The following BACE2 variants were observed in gnomAD, a reference collection of about 807,000 sequenced individuals.
The protein encoded by BACE2 is beta-secretase 2.
A neutral mutation model predicts 46.2 loss-of-function variants in BACE2; 17 were observed. The observed-to-expected ratio is 0.37, with a 90% CI of 0.25 to 0.55. BACE2 has a LOEUF of 0.55. Among genes scored for constraint, BACE2 ranks in the 20% least tolerant of loss-of-function variants. BACE2 has a pLI of 0.82. For missense variants in BACE2, 595 were observed against 698.1 expected, an observed-to-expected ratio of 0.85 and a Z score of 1.66; for synonymous variants, 277 against 295.9, an observed-to-expected ratio of 0.94 and a Z score of 0.66.
chr21:41,211,657 C>T (rs1300773744), intron 1 of BACE2, among the ~76,000 whole-genome samples: 2 of 152,228 alleles, frequency 1.3e-5, no homozygotes, highest in Non-Finnish European at 2.9e-5. Flanking sequence ...TGCCGGCAGA[C>T]TTCAGCAGAT....
At chr21:41,254,144 G>C (rs907499931) in intron 7 of BACE2, among the ~76,000 whole-genome samples, 3 of 152,224 alleles carry the variant, frequency 2.0e-5, no homozygotes, top group Admixed American at 2.0e-4. Context: ...GCAGAAAAGA[G>C]TCAATTCGAA....
intron 1 of BACE2, chr21:41,181,994 A>G (rs1041623230): frequency 2.4e-5 from 4 of 167,104 alleles, no homozygotes; most frequent in African/African-American, 9.6e-5. Flanking sequence ...GCATCATGGT[A>G]TCTGGTTGGG....
chr21:41,217,828 G>T (rs1045839036), intron 1 of BACE2, among the ~76,000 whole-genome samples: 1 of 152,236 alleles, frequency 6.6e-6, no homozygotes, highest in African/African-American at 2.4e-5. Context: ...AAGTAAAGGC[G>T]GCGGCCAGCA....
chr21:41,219,796 C>T (rs982692469), intron 1 of BACE2, among the ~76,000 whole-genome samples: 6 of 152,116 alleles, frequency 3.9e-5, no homozygotes, highest in Non-Finnish European at 7.4e-5. Flanking sequence ...TCTGCTCTCA[C>T]ACCACAACGA....
At chr21:41,244,375 G>T (rs897344117) in intron 5 of BACE2, among the ~76,000 whole-genome samples, 1 of 152,156 alleles carries the variant, frequency 6.6e-6, no homozygotes, top group African/African-American at 2.4e-5. Flanking sequence ...TCAGTGAAGG[G>T]AGACAGGGGT....
At chr21:41,254,141 A>T (rs919228840) in intron 7 of BACE2, among the ~76,000 whole-genome samples, 1 of 152,232 alleles carries the variant, frequency 6.6e-6, no homozygotes, top group African/African-American at 2.4e-5. Context: ...CCTGCAGAAA[A>T]GAGTCAATTC....
intron 8 of BACE2, among the ~76,000 whole-genome samples, chr21:41,260,640 A>G (rs2123634666): frequency 6.6e-6 from 1 of 152,346 alleles, no homozygotes; most frequent in East Asian, 1.9e-4. Flanking sequence ...TCCTCTGGTC[A>G]GCCCTGAACA....
At chr21:41,249,329 C>T (rs1987570350) in intron 6 of BACE2, among the ~76,000 whole-genome samples, 1 of 150,646 alleles carries the variant, frequency 6.6e-6, no homozygotes, top group Admixed American at 6.6e-5. Context: ...GACTAGTGAG[C>T]CCCACATGTA....
intron 1 of BACE2, chr21:41,175,735 CCAGGTA>C (rs1199139908): frequency 6.6e-6 from 1 of 152,202 alleles, no homozygotes; most frequent in African/African-American, 2.4e-5. Context: ...AGAAAGTCTT[CCAGGTA>C]CCAGCAATGC....
At chr21:41,187,336 G>A (rs928814194) in intron 1 of BACE2, among the ~76,000 whole-genome samples, 5 of 152,224 alleles carry the variant, frequency 3.3e-5, no homozygotes, top group Admixed American at 3.3e-4. Flanking sequence ...AGTCACAGGT[G>A]CTTGCATTAG....
At chr21:41,199,646 A>G (rs1985883008) in intron 1 of BACE2, among the ~76,000 whole-genome samples, 1 of 152,108 alleles carries the variant, frequency 6.6e-6, no homozygotes, top group Non-Finnish European at 1.5e-5. Flanking sequence ...AGGGCAAGAG[A>G]AAAGCCAGTG....
Position 41,230,874 on chromosome 21 carries a change from T to C in BACE2, c.401+4520T>C, listed in dbSNP as rs115446542. Among the ~76,000 whole-genome samples, 935 of 152,344 alleles carry C rather than the reference T, an allele frequency of 6.1e-3. 5 individuals are homozygous for C. The highest frequency in any genetic ancestry group is 0.02 in the African/African-American group (836 of 41,572). ...AGATCATGTATTTTTTAAATGTACA[T>C]CTTTTTTAGCCAATAAAATCTCACC... is the stretch of plus-strand genomic sequence containing the variant. On this transcript the variant is annotated intron_variant, in intron 2 of 8. Transcript: ENST00000330333.
chr21:41,183,386 G>A lies in BACE2; in HGVS notation c.312+14811G>A, dbSNP rs551293780. 1.3e-4 allele frequency: 22 copies of A among 167,084 alleles called. No individual in the cohort carries two copies. The East Asian group carries it at 3.5e-3, about 26-fold the overall frequency. The allele number at this position is 167,084 out of a possible 1,614,324, so 10.4% of individuals were successfully genotyped here. A position where few individuals can be genotyped will look rare whatever the true frequency, so the allele number is the denominator to read the frequency against. On this transcript the variant is annotated intron_variant, in intron 1 of 8. Transcript: ENST00000330333. The stretch of plus-strand genomic sequence containing the variant: ...TATCTATAAGCCAGTTTGACAGCAC[G>A]CTAGATGTAACACACATCACAATAC...
At chr21:41,268,634 T>C (rs535265541) in intron 8 of BACE2, among the ~76,000 whole-genome samples, 1 of 152,286 alleles carries the variant, frequency 6.6e-6, no homozygotes, top group African/African-American at 2.4e-5. Flanking sequence ...ACATGTCTAC[T>C]TGGGAGGCTG....
intron 1 of BACE2, among the ~76,000 whole-genome samples, chr21:41,192,660 G>A (rs1405233185): frequency 6.6e-6 from 1 of 152,168 alleles, no homozygotes; most frequent in Admixed American, 6.5e-5. Context: ...ATCTGCCACT[G>A]ACACCTCAAG....
chr21:41,179,444 A>G (rs1985012234), intron 1 of BACE2: 8 of 1,304,368 alleles, frequency 6.1e-6, no homozygotes, highest in Admixed American at 2.3e-5. Flanking sequence ...GAACGTGTCC[A>G]GGGTGAGTGA....
chr21:41,182,143 A>C (rs1221665276), intron 1 of BACE2: 3 of 167,106 alleles, frequency 1.8e-5, no homozygotes, highest in Non-Finnish European at 4.4e-5. Context: ...CTACAGCATT[A>C]CATTACCTCT....
chr21:41,265,630 C>A (rs1988048622), intron 8 of BACE2, among the ~76,000 whole-genome samples: 1 of 151,938 alleles, frequency 6.6e-6, no homozygotes, highest in Admixed American at 6.6e-5. Flanking sequence ...CATATCTTTG[C>A]CCATTGTTTT....
At chr21:41,207,696 C>T (rs1040917189) in intron 1 of BACE2, among the ~76,000 whole-genome samples, 2 of 152,324 alleles carry the variant, frequency 1.3e-5, no homozygotes, top group East Asian at 3.9e-4. Flanking sequence ...TCACCTGTCA[C>T]TGAATAGCCC....
Sources: gnomAD v4.1 joint callset for allele counts (sites outside exome capture counted in the v4.1 genomes callset) on GRCh38, gnomAD v4.1.1 for gene constraint, MANE v1.5 for transcripts, NCBI Gene and HGNC (gene_info 2026-07-23, HGNC 2026-07-21) for gene names.